NFE2L2: variants seen among roughly 807,000 people sequenced by gnomAD.
NFE2L2 encodes the protein nuclear factor erythroid 2-related factor 2.
Under a neutral mutation model 49.6 loss-of-function variants are expected in NFE2L2, and 20 were observed. The ratio of observed to expected loss-of-function variants is 0.40; its 90% CI spans 0.28 to 0.59. NFE2L2 has a LOEUF of 0.59. Among genes scored for constraint, NFE2L2 ranks in the 20% least tolerant of loss-of-function variants. NFE2L2 has a pLI of 0.40. For missense variants in NFE2L2, 578 were observed against 714.2 expected, an observed-to-expected ratio of 0.81 and a Z score of 2.17; for synonymous variants, 244 against 256.5, an observed-to-expected ratio of 0.95 and a Z score of 0.47.
rs1418624920 is a variant in NFE2L2, at chr2:177,232,450, C to T, written c.536G>A (p.Gly179Asp). ...AACTTGCTCAATGTCCTGTTGCATA[C>T]CGTCTAAATCAACAGGGGCTACCTG... The part of the protein sequence containing the change: ...VAQVAPVDLD[G>D]MQQDIEQVWE... Residue 179 changes from glycine (G) to aspartate (D), a missense_variant, in exon 4 of 5, where the codon GGT (glycine) becomes GAT (aspartate). Gly to Asp is a moderately conservative substitution (Grantham distance 94, BLOSUM62 -1). Around this residue, in one of 3 missense-constraint regions of NFE2L2, gnomAD observed 368 missense variants for 384.6 expected, o/e 0.96. Coordinates refer to ENST00000397062, the MANE Select transcript of NFE2L2 (RefSeq NM_006164.5). 1.9e-6 allele frequency: 3 copies of T among 1,614,100 alleles called. No individual in the cohort carries two copies. Among genetic ancestry groups the T allele is most frequent in the East Asian group, 4.5e-5 (2 of 44,892 alleles).
At chr2:177,263,686 C>T (rs578154875) in intron 1 of NFE2L2, 8 of 985,522 alleles carry the variant, frequency 8.1e-6, no homozygotes, top group Non-Finnish European at 9.6e-6. Context: ...CTAGAAGCCC[C>T]GGGTGCCGCC....
chr2:177,230,617 T>C lies in NFE2L2; in HGVS notation c.*168A>G, dbSNP rs6759443. ...TTAAAGTGAAACTACTGATTCAACA[T>C]ACTGACACTCCAATGCTTTTTAAAG... On this transcript the variant is annotated 3_prime_UTR_variant, in exon 5 of 5. Coordinates refer to ENST00000397062, the MANE Select transcript of NFE2L2 (RefSeq NM_006164.5). 1.1e-3 allele frequency: 794 copies of C among 695,448 alleles called. 6 individuals are homozygous for C. In the African/African-American group the frequency reaches 0.013, roughly 12 times the overall value. 43.1% of individuals were successfully genotyped at this position (695,448 alleles called of 1,614,324 possible).
chr2:177,237,549 C>T (rs1226411346), intron 1 of NFE2L2, among the ~76,000 whole-genome samples: 1 of 152,066 alleles, frequency 6.6e-6, no homozygotes, highest in African/African-American at 2.4e-5. Context: ...GACGGAGTCT[C>T]GCTCTGTCGC....
Position 177,264,455 on chromosome 2 carries a change from C to T in NFE2L2, c.45+77G>A, listed in dbSNP as rs917789194. Reference sequence around the variant, plus strand: ...GTGGGGGAAGCCGGTTGCGGCTGTCCCTCCCGGGCCGCGGTTCCCTAGCTC... The same window carrying T: ...GTGGGGGAAGCCGGTTGCGGCTGTCTCTCCCGGGCCGCGGTTCCCTAGCTC... On this transcript the variant is annotated intron_variant, in intron 1 of 4. Coordinates refer to ENST00000397062, the MANE Select transcript of NFE2L2 (RefSeq NM_006164.5). 7 of 1,440,604 alleles carry T rather than the reference C, an allele frequency of 4.9e-6. No homozygotes were observed. The African/African-American group carries it at 8.9e-5, about 18-fold the overall frequency. 89.2% of individuals were successfully genotyped at this position (1,440,604 alleles called of 1,614,324 possible). A position where few individuals can be genotyped will look rare whatever the true frequency, so the allele number is the denominator to read the frequency against.
intron 1 of NFE2L2, among the ~76,000 whole-genome samples, chr2:177,244,127 C>T (rs1466589529): frequency 1.3e-5 from 2 of 151,590 alleles, no homozygotes; most frequent in Admixed American, 6.6e-5. Flanking sequence ...GGTGAAACCC[C>T]GTCTCTACTA....
intron 1 of NFE2L2, among the ~76,000 whole-genome samples, chr2:177,257,167 C>A (rs1327397815): frequency 1.3e-5 from 2 of 152,196 alleles, no homozygotes; most frequent in African/African-American, 2.4e-5. Context: ...TTGTTTTTAA[C>A]GGAGGAAGAT....
intron 1 of NFE2L2, among the ~76,000 whole-genome samples, chr2:177,250,251 G>T (rs1690286159): frequency 1.3e-5 from 2 of 152,192 alleles, no homozygotes. Flanking sequence ...GAAGTGAGAG[G>T]CCTTAGGTGC....
intron 1 of NFE2L2, among the ~76,000 whole-genome samples, chr2:177,238,573 A>C (rs956213733): frequency 1.3e-5 from 2 of 152,246 alleles, no homozygotes; most frequent in African/African-American, 4.8e-5. Flanking sequence ...GCAAATGTTT[A>C]CATGTTGACA....
At chr2:177,242,776 G>A (rs376380911) in intron 1 of NFE2L2, among the ~76,000 whole-genome samples, 11 of 152,196 alleles carry the variant, frequency 7.2e-5, no homozygotes, top group South Asian at 2.1e-4. Context: ...TGCAGAGTTC[G>A]GTCAAAAAGA....
intron 1 of NFE2L2, among the ~76,000 whole-genome samples, chr2:177,237,125 G>C (rs1222568607): frequency 6.6e-6 from 1 of 152,168 alleles, no homozygotes; most frequent in African/African-American, 2.4e-5. Flanking sequence ...TTCCCAAAGT[G>C]CTAGGATTAC....
In NFE2L2 at chr2:177,264,687, T is replaced by G. The variant is rs1038951571; in HGVS notation, c.-111A>C. 12 of 1,028,614 alleles carry G rather than the reference T, an allele frequency of 1.2e-5. No homozygotes were observed. Among genetic ancestry groups the G allele is most frequent in the Admixed American group, 8.6e-5 (2 of 23,324 alleles). 63.7% of individuals were successfully genotyped at this position (1,028,614 alleles called of 1,614,324 possible). A position where few individuals can be genotyped will look rare whatever the true frequency, so the allele number is the denominator to read the frequency against. On this transcript the variant is annotated 5_prime_UTR_variant, in exon 1 of 5. Transcript: ENST00000397062. ...TGGCGGCGGCGGCGGCGGTGGCGGC[T>G]GCGTCGGCGGCTCCTCCGGGCTCCC...
rs768430025 is a variant in NFE2L2 at position 177,231,452 on chromosome 2, G to A, written c.1151C>T (p.Ala384Val). The change falls in exon 5 of 5, where the codon GCC (alanine) becomes GTC (valine). Residue 384 changes from alanine (A) to valine (V), a missense_variant. Around this residue, in one of 3 missense-constraint regions of NFE2L2, gnomAD observed 368 missense variants for 384.6 expected, o/e 0.96. Coordinates refer to ENST00000397062, the MANE Select transcript of NFE2L2 (RefSeq NM_006164.5). ...ACCATTCTGTTTGACACTTCCAGGGGCACTATCTAGCTCTTCCACTTCAGA... is the reference window on the plus strand; with the variant it reads ...ACCATTCTGTTTGACACTTCCAGGGACACTATCTAGCTCTTCCACTTCAGA... ...SDSEVEELDS[A>V]PGSVKQNGPK... The A allele has an allele frequency of 3.7e-6, 6 of 1,614,224 alleles. No homozygotes were observed. In the South Asian group the frequency reaches 5.5e-5, roughly 15 times the overall value.
At chr2:177,263,430 G>A (rs1690815437) in intron 1 of NFE2L2, 1 of 985,464 alleles carries the variant, frequency 1.0e-6, no homozygotes, top group East Asian at 1.1e-4. Flanking sequence ...AGAATATCCC[G>A]TCTTACACAT....
chr2:177,260,086 G>A (rs1310374758), intron 1 of NFE2L2, among the ~76,000 whole-genome samples: 1 of 152,188 alleles, frequency 6.6e-6, no homozygotes, highest in Non-Finnish European at 1.5e-5. Flanking sequence ...ATAAATGTTT[G>A]TTGGCGCTTA....
At chr2:177,246,242 C>T (rs1690124824) in intron 1 of NFE2L2, among the ~76,000 whole-genome samples, 1 of 152,158 alleles carries the variant, frequency 6.6e-6, no homozygotes, top group South Asian at 2.1e-4. Flanking sequence ...CAGGACAACT[C>T]CCTTGCATAG....
intron 1 of NFE2L2, among the ~76,000 whole-genome samples, chr2:177,242,760 G>A (rs1354798178): frequency 6.6e-6 from 1 of 152,172 alleles, no homozygotes; most frequent in Non-Finnish European, 1.5e-5. Context: ...TTTCTCAAGA[G>A]GCACATGCAG....
At chr2:177,241,480 C>T (rs1344126427) in intron 1 of NFE2L2, among the ~76,000 whole-genome samples, 1 of 152,146 alleles carries the variant, frequency 6.6e-6, no homozygotes, top group African/African-American at 2.4e-5. Flanking sequence ...GAATCATATC[C>T]TACCATCTGG....
intron 1 of NFE2L2, among the ~76,000 whole-genome samples, chr2:177,242,091 CTTTCTA>C (rs1309563900): frequency 6.6e-6 from 1 of 152,166 alleles, no homozygotes; most frequent in East Asian, 1.9e-4. Flanking sequence ...CTAGGTCATT[CTTTCTA>C]TTTCCCACAT....
In NFE2L2 at chr2:177,264,421, T is replaced by C. The variant is rs1690862365; in HGVS notation, c.45+111A>G. The C allele has an allele frequency of 1.4e-5, 17 of 1,180,356 alleles. No individual in the cohort carries two copies. The South Asian group carries it at 2.4e-4, about 17-fold the overall frequency. The allele number at this position is 1,180,356 out of a possible 1,614,324, so 73.1% of individuals were successfully genotyped here. On this transcript the variant is annotated intron_variant, in intron 1 of 4. Coordinates refer to ENST00000397062, the MANE Select transcript of NFE2L2 (RefSeq NM_006164.5). ...CTACCCAGCGCCGCGGTCCTGGCTC[T>C]GGCCAGACGTGGGGGAAGCCGGTTG...
Sources: gnomAD v4.1 joint callset for allele counts (sites outside exome capture counted in the v4.1 genomes callset) on GRCh38, gnomAD v4.1.1 for gene constraint, gnomAD v4.1.1 regional missense constraint, MANE v1.5 for transcripts, NCBI Gene and HGNC (gene_info 2026-07-23, HGNC 2026-07-21) for gene names.